DAAM1: variants seen among roughly 807,000 people sequenced by gnomAD.
DAAM1 encodes the protein dishevelled associated activator of morphogenesis 1, also known as disheveled-associated activator of morphogenesis 1.
DAAM1 carries 52 observed loss-of-function variants against 130.0 expected under a neutral mutation model. The ratio of observed to expected loss-of-function variants is 0.40; its 90% CI spans 0.32 to 0.50. The LOEUF is 0.50. Among genes scored for constraint, DAAM1 ranks in the 20% least tolerant of loss-of-function variants. The pLI, the probability that DAAM1 is intolerant of heterozygous loss-of-function variation, is 0.61. For synonymous variants in DAAM1, 452 were observed against 444.5 expected, an observed-to-expected ratio of 1.02 and a Z score of -0.21; for missense variants, 1,134 against 1,303.8, an observed-to-expected ratio of 0.87 and a Z score of 2.01.
Position 59,363,719 on chromosome 14 carries a change from C to G in DAAM1, c.2763C>G (p.Phe921Leu). 6.2e-7 allele frequency: 1 copy of G among 1,614,152 alleles called. No homozygotes were observed. The highest frequency in any genetic ancestry group is 2.2e-5 in the East Asian group (1 of 44,880). ...GDKFVSVVSQFITVASFSFSD... is the reference protein window; with the variant it reads ...GDKFVSVVSQLITVASFSFSD... ...AGTTTGTGTCTGTTGTCAGCCAGTT[C>G]ATCACAGTAGCCAGCTTCAGCTTCT... The change falls in exon 23 of 25, where the codon TTC becomes TTG. Residue 921 changes from phenylalanine (F) to leucine (L), a missense_variant. Physicochemically the swap from Phe to Leu is conservative, Grantham distance 22. Transcript: ENST00000360909.
intron 6 of DAAM1, among the ~76,000 whole-genome samples, chr14:59,323,725 C>T (rs17096080): frequency 0.29 from 43,953 of 151,838 alleles, 6,796 homozygotes; most frequent in African/African-American, 0.39. Context: ...TCAGTGTAAT[C>T]CTGTCTAAAC....
chr14:59,363,934 C>A, intron 23 of DAAM1, 152 bp downstream of exon 23: 1 of 1,186,456 alleles, frequency 8.4e-7, no homozygotes, highest in South Asian at 1.5e-5. Flanking sequence ...TTTCCAGATT[C>A]CATTGTTTTG....
At position 59,370,689 on chromosome 14, in the gene DAAM1, C is replaced by G. The variant is rs1199931221; in HGVS notation, c.*1830C>G. ...AATACAAAGCAGAGGTTGCACTCCC[C>G]CAATCCCGAGTTAACCCAGGTCTGC... On this transcript the variant is annotated 3_prime_UTR_variant, in exon 25 of 25. Transcript: ENST00000360909. 2 of 152,118 alleles carry G rather than the reference C, an allele frequency of 1.3e-5. No homozygotes were observed. Among genetic ancestry groups the G allele is most frequent in the African/African-American group, 4.8e-5 (2 of 41,422 alleles). The allele number at this position is 152,118 out of a possible 1,614,324, so 9.4% of individuals were successfully genotyped here.
At chr14:59,264,253 T>C (rs1882325456) in intron 2 of DAAM1, 1 of 161,180 alleles carries the variant, frequency 6.2e-6, no homozygotes, top group Non-Finnish European at 1.4e-5. Context: ...AAATGAAGGA[T>C]GCATCTAGTG....
Position 59,319,181 on chromosome 14 carries a change from A to G in DAAM1, c.346-1309A>G, listed in dbSNP as rs563410769. ...TCTGCACCCAGCTTCCTTACTCACC[A>G]TCCCCTGGTGACAGCTGTCTGTGAG... On this transcript the variant is annotated intron_variant, in intron 4 of 24. Transcript: ENST00000360909. Among the ~76,000 whole-genome samples, 139 of 152,318 alleles carry G rather than the reference A, an allele frequency of 9.1e-4. 4 individuals are homozygous for G. In the South Asian group the frequency reaches 0.018, roughly 20 times the overall value.
chr14:59,279,715 C>G (rs929286083), intron 2 of DAAM1, among the ~76,000 whole-genome samples: 1 of 152,010 alleles, frequency 6.6e-6, no homozygotes, highest in African/African-American at 2.4e-5. Flanking sequence ...CAATCATTAA[C>G]TATATTTTAA....
At chr14:59,362,601 TTGAGTGTAGTGA>T (rs1003375461) in intron 22 of DAAM1, 58 of 151,614 alleles carry the variant, frequency 3.8e-4, no homozygotes, top group African/African-American at 1.3e-3. Context: ...GTTATTTCAT[TTGAGTGTAGTGA>T]TGATGTGGAT....
intron 2 of DAAM1, among the ~76,000 whole-genome samples, chr14:59,276,429 A>G (rs1882971999): frequency 6.6e-6 from 1 of 152,150 alleles, no homozygotes; most frequent in Non-Finnish European, 1.5e-5. Context: ...TCACCATGTC[A>G]TGTGACTTGA....
intron 5 of DAAM1, among the ~76,000 whole-genome samples, chr14:59,321,115 T>C (rs894228038): frequency 7.3e-6 from 1 of 136,080 alleles, no homozygotes; most frequent in African/African-American, 2.8e-5. Flanking sequence ...CATAATGGAA[T>C]ATAATTTGGC....
intron 1 of DAAM1, among the ~76,000 whole-genome samples, chr14:59,189,425 C>T (rs1291298466): frequency 6.6e-6 from 1 of 152,166 alleles, no homozygotes; most frequent in Non-Finnish European, 1.5e-5. Context: ...AGGGTGTTGG[C>T]GGCCGGGGAG....
At chr14:59,352,053 A>G (rs758628045) in intron 17 of DAAM1, among the ~76,000 whole-genome samples, 1 of 152,242 alleles carries the variant, frequency 6.6e-6, no homozygotes, top group Non-Finnish European at 1.5e-5. Context: ...AATGGAAACT[A>G]CAAATGGAAT....
At position 59,302,608 on chromosome 14, in the gene DAAM1, G is replaced by T. The variant is rs575677133; in HGVS notation, c.273+11302G>T. Among the ~76,000 whole-genome samples, 41 of 152,122 alleles carry T rather than the reference G, an allele frequency of 2.7e-4. 1 individual carries two copies. The highest frequency in any genetic ancestry group is 7.9e-4 in the Admixed American group (12 of 15,270). ...GCAGTCCTGGAGGACAGTGGTTCTC[G>T]ACTCCCACAGAACAGCAATCTTTGG... is the stretch of plus-strand genomic sequence containing the variant. On this transcript the variant is annotated intron_variant, in intron 3 of 24. Coordinates refer to ENST00000360909, the MANE Select transcript of DAAM1 (RefSeq NM_001270520.2).
At chr14:59,299,891 C>G (rs1222474971) in intron 3 of DAAM1, 2 of 152,082 alleles carry the variant, frequency 1.3e-5, no homozygotes, top group Admixed American at 6.6e-5. Flanking sequence ...TTCCTCTTAG[C>G]CACGTGCCCT....
At chr14:59,242,943 T>C (rs571769706) in intron 1 of DAAM1, among the ~76,000 whole-genome samples, 3 of 152,298 alleles carry the variant, frequency 2.0e-5, no homozygotes, top group East Asian at 3.9e-4. Context: ...AGGTACTCAG[T>C]AAATATTTGA....
intron 1 of DAAM1, among the ~76,000 whole-genome samples, chr14:59,240,347 G>A (rs1214172904): frequency 2.0e-5 from 3 of 152,172 alleles, no homozygotes; most frequent in Non-Finnish European, 4.4e-5. Context: ...CTCTGACCTT[G>A]GAGAGGTGCT....
intron 1 of DAAM1, among the ~76,000 whole-genome samples, chr14:59,199,305 G>C (rs781185375): frequency 6.6e-6 from 1 of 151,934 alleles, no homozygotes; most frequent in Non-Finnish European, 1.5e-5. Context: ...TTTTAAATTT[G>C]ACATGAGGTC....
chr14:59,288,991 A>C (rs1455257535), intron 2 of DAAM1, among the ~76,000 whole-genome samples: 1 of 152,078 alleles, frequency 6.6e-6, no homozygotes, highest in Non-Finnish European at 1.5e-5. Context: ...ATCTCCGCTC[A>C]CTGCAACCTC....
rs775946384 is a variant in DAAM1 at position 59,367,542 on chromosome 14, C to G, written c.2940C>G (p.Asn980Lys). Residue 980 changes from asparagine to lysine, a missense_variant, in exon 24 of 25, where the codon AAC (asparagine) becomes AAG (lysine). Physicochemically the swap from Asn to Lys is moderately conservative, Grantham distance 94. This residue lies in a region of DAAM1 where 644 missense variants were observed against 695.9 expected (regional missense o/e 0.93). Coordinates refer to ENST00000360909, the MANE Select transcript of DAAM1 (RefSeq NM_001270520.2). The stretch of plus-strand genomic sequence containing the variant: ...CTGTGTCAGAAGCCAAACAAGAAAA[C>G]GAAAATATGAGAAAGAAAAAGGAGG... ...LQAVSEAKQE[N>K]ENMRKKKEEE... 3 of 1,613,398 alleles carry G rather than the reference C, an allele frequency of 1.9e-6. No homozygotes were observed. The highest frequency in any genetic ancestry group is 2.5e-6 in the Non-Finnish European group (3 of 1,179,752).
At chr14:59,300,302 T>C (rs1884118048) in intron 3 of DAAM1, among the ~76,000 whole-genome samples, 2 of 152,204 alleles carry the variant, frequency 1.3e-5, no homozygotes, top group South Asian at 4.1e-4. Context: ...AGTTGCAGCA[T>C]TGTAATTCAA....
Sources: allele counts gnomAD v4.1 joint callset (sites outside exome capture counted in the v4.1 genomes callset), GRCh38; gene constraint gnomAD v4.1.1; regional missense constraint gnomAD v4.1.1; transcripts MANE v1.5; gene names NCBI Gene and HGNC (gene_info 2026-07-23, HGNC 2026-07-21).